Variants in RAB14 observed in about 807,000 individuals in gnomAD.
RAB14 encodes the protein ras-related protein Rab-14.
A neutral mutation model predicts 31.1 loss-of-function variants in RAB14; 3 were observed. The ratio of observed to expected loss-of-function variants is 0.10; its 90% CI spans 0.04 to 0.25. The LOEUF is 0.25. Ranked by LOEUF, RAB14 falls within the 10% of genes least tolerant of loss-of-function variation. The pLI, the probability that RAB14 is intolerant of heterozygous loss-of-function variation, is 1.00. For synonymous variants in RAB14, 85 were observed against 84.9 expected (o/e 1.00, Z 0.00); for missense variants, 111 against 260.1 (o/e 0.43, Z 3.94).
At chr9:121,187,254 A>G (rs552216008) in intron 4 of RAB14, among the ~76,000 whole-genome samples, 2 of 152,228 alleles carry the variant, frequency 1.3e-5, no homozygotes, top group South Asian at 2.1e-4. Flanking sequence ...GGTCAGGAGT[A>G]AATTGTTTAC....
At chr9:121,198,847 C>T (rs967205960) in intron 1 of RAB14, among the ~76,000 whole-genome samples, 4 of 151,972 alleles carry the variant, frequency 2.6e-5, no homozygotes, top group African/African-American at 9.7e-5. Context: ...GTCAGTCAGG[C>T]GGATAAAACT....
intron 4 of RAB14, among the ~76,000 whole-genome samples, chr9:121,188,141 A>G (rs1009013027): frequency 1.3e-5 from 2 of 152,018 alleles, no homozygotes; most frequent in Admixed American, 1.3e-4. Context: ...AGTCATATAT[A>G]TCAAAATAGC....
At chr9:121,195,125 CT>C (rs1564321792) in intron 1 of RAB14, among the ~76,000 whole-genome samples, 1 of 152,134 alleles carries the variant, frequency 6.6e-6, no homozygotes, top group Non-Finnish European at 1.5e-5. Flanking sequence ...GGTCCTGAGA[CT>C]AAAACTGGTC....
At position 121,178,702 on chromosome 9, in the gene RAB14, TAA is replaced by T. The variant is rs1354668078; in HGVS notation, c.*2692_*2693del. 2.6e-5 allele frequency: 4 copies of T among 152,126 alleles called. No homozygotes were observed. The highest frequency in any genetic ancestry group is 2.1e-4 in the South Asian group (1 of 4,830). The allele number at this position is 152,126 out of a possible 1,614,324, so 9.4% of individuals were successfully genotyped here. On this transcript the variant is annotated 3_prime_UTR_variant, in exon 8 of 8. Coordinates refer to ENST00000373840, the MANE Select transcript of RAB14 (RefSeq NM_016322.4). ...TAAACCACCAACCAAAAAAAAATAA[TAA>T]GTTACTCCATCAAACACGTTATTAT... is the stretch of plus-strand genomic sequence containing the variant.
At chr9:121,184,072 C>T (rs932351920) in intron 5 of RAB14, among the ~76,000 whole-genome samples, 1 of 152,170 alleles carries the variant, frequency 6.6e-6, no homozygotes, top group Admixed American at 6.5e-5. Context: ...TGCTGAAGGT[C>T]ACTCAGTGAG....
intron 1 of RAB14, among the ~76,000 whole-genome samples, chr9:121,199,179 T>G (rs891125486): frequency 1.3e-5 from 2 of 152,156 alleles, no homozygotes; most frequent in African/African-American, 2.4e-5. Context: ...TAGTGAAAAT[T>G]TTACTACCGA....
chr9:121,193,229 TATA>T lies in RAB14; in HGVS notation c.52+129_52+131del. 2.0e-5 allele frequency: 12 copies of T among 612,264 alleles called. No individual in the cohort carries two copies. In the South Asian group the frequency reaches 2.6e-4, roughly 13 times the overall value. The allele number at this position is 612,264 out of a possible 1,614,324, so 37.9% of individuals were successfully genotyped here. ...GCATTGCTAATGCAAAAATAAATCT[TATA>T]AAAGGAGTTTTAGTTTTACAGTAAG... On this transcript the variant is annotated intron_variant, in intron 2 of 7. Coordinates refer to ENST00000373840, the MANE Select transcript of RAB14 (RefSeq NM_016322.4).
At chr9:121,189,900 G>A (rs928816610) in intron 4 of RAB14, among the ~76,000 whole-genome samples, 2 of 152,032 alleles carry the variant, frequency 1.3e-5, no homozygotes, top group South Asian at 2.1e-4. Flanking sequence ...ACAGTGCAGG[G>A]TCTAATCAAG....
intron 3 of RAB14, 27 bp downstream of exon 3, chr9:121,192,144 A>G (rs2053690359): frequency 6.7e-7 from 1 of 1,483,262 alleles, no homozygotes. Context: ...GAAAACTATT[A>G]ATGTTTACCT....
chr9:121,181,300 C>T lies in RAB14; in HGVS notation c.*96G>A. On this transcript the variant is annotated 3_prime_UTR_variant, in exon 8 of 8. Coordinates refer to ENST00000373840, the MANE Select transcript of RAB14 (RefSeq NM_016322.4). ...GTTTTTTCTTTTTTTTTAATTAAAC[C>T]CAGTAAGATGTACAGAAGACAATGA... 4 of 1,221,610 alleles carry T rather than the reference C, an allele frequency of 3.3e-6. No homozygotes were observed. Among genetic ancestry groups the T allele is most frequent in the Non-Finnish European group, 4.4e-6 (4 of 912,834 alleles). The allele number at this position is 1,221,610 out of a possible 1,614,324, so 75.7% of individuals were successfully genotyped here.
rs1219051968 is a variant in RAB14, at chr9:121,201,771, CGA to C, written c.-142_-141del. On this transcript the variant is annotated 5_prime_UTR_variant, in exon 1 of 8. Coordinates refer to ENST00000373840, the MANE Select transcript of RAB14 (RefSeq NM_016322.4). ...GGCGCCGGCAGGTACACTGGCAGGC[CGA>C]GAGGTGCAGACGCGCCGGCAGCAGT... is the stretch of plus-strand genomic sequence containing the variant. 6.5e-6 allele frequency: 1 copy of C among 153,050 alleles called. No homozygotes were observed. Among genetic ancestry groups the C allele is most frequent in the Non-Finnish European group, 1.5e-5 (1 of 68,828 alleles). 9.5% of individuals were successfully genotyped at this position (153,050 alleles called of 1,614,324 possible). A position where few individuals can be genotyped will look rare whatever the true frequency, so the allele number is the denominator to read the frequency against.
chr9:121,184,342 C>A (rs1263979162), intron 5 of RAB14, among the ~76,000 whole-genome samples: 1 of 151,976 alleles, frequency 6.6e-6, no homozygotes, highest in Non-Finnish European at 1.5e-5. Context: ...TGAAGTTAGG[C>A]CAAAGTTAAA....
chr9:121,196,501 T>C (rs1041287930), intron 1 of RAB14, among the ~76,000 whole-genome samples: 3 of 152,194 alleles, frequency 2.0e-5, no homozygotes, highest in Admixed American at 6.6e-5. Flanking sequence ...ACATAGTTAA[T>C]TATTATCCTC....
At chr9:121,193,984 T>C (rs530212415) in intron 1 of RAB14, among the ~76,000 whole-genome samples, 3 of 152,268 alleles carry the variant, frequency 2.0e-5, no homozygotes, top group South Asian at 2.1e-4. Context: ...CAAATCAATG[T>C]TGGAACTAGA....
intron 5 of RAB14, among the ~76,000 whole-genome samples, chr9:121,186,295 T>G (rs2053658702): frequency 6.6e-6 from 1 of 152,182 alleles, no homozygotes; most frequent in South Asian, 2.1e-4. Flanking sequence ...TATTTCTAAT[T>G]CGTGCTTCAA....
intron 5 of RAB14, 139 bp downstream of exon 5, chr9:121,186,811 TTTC>T: frequency 4.2e-6 from 2 of 473,822 alleles, no homozygotes; most frequent in Non-Finnish European, 7.4e-6. Context: ...ACTGTTAGGT[TTTC>T]TTCAACTAAT....
At chr9:121,182,997 AAACT>A (rs757063599) in intron 6 of RAB14, 37 bp from the exon 7 acceptor site, 19 of 1,576,988 alleles carry the variant, frequency 1.2e-5, no homozygotes, top group African/African-American at 5.4e-5. Context: ...AGGACACTTC[AAACT>A]AACTCACAAG....
In RAB14 at chr9:121,199,757, A is replaced by G. The variant is rs139412739; in HGVS notation, c.-8+1882T>C. On this transcript the variant is annotated intron_variant, in intron 1 of 7. Coordinates refer to ENST00000373840, the MANE Select transcript of RAB14 (RefSeq NM_016322.4). Reference sequence around the variant, plus strand: ...CTGCCATTTATTGAGGGCCTAACACATGCCAGCTACTTTATAAACAGTCTC... The same window carrying G: ...CTGCCATTTATTGAGGGCCTAACACGTGCCAGCTACTTTATAAACAGTCTC... Among the ~76,000 whole-genome samples, 8 of 152,328 alleles carry G rather than the reference A, an allele frequency of 5.3e-5. No homozygotes were observed. The East Asian group carries it at 1.5e-3, about 29-fold the overall frequency.
chr9:121,196,149 C>G (rs1343904871), intron 1 of RAB14, among the ~76,000 whole-genome samples: 2 of 151,850 alleles, frequency 1.3e-5, no homozygotes, highest in Non-Finnish European at 2.9e-5. Context: ...ACTCTGAAAA[C>G]ATGAGCCCAC....
Sources: allele counts gnomAD v4.1 joint callset (sites outside exome capture counted in the v4.1 genomes callset), GRCh38; gene constraint gnomAD v4.1.1; transcripts MANE v1.5; gene names NCBI Gene and HGNC (gene_info 2026-07-23, HGNC 2026-07-21).